Variants in IMMP2L observed in about 807,000 individuals in gnomAD.
The protein encoded by IMMP2L is mitochondrial inner membrane protease subunit 2.
Under a neutral mutation model 19.3 loss-of-function variants are expected in IMMP2L, and 18 were observed. The ratio of observed to expected loss-of-function variants is 0.93; its 90% CI spans 0.64 to 1.38. The LOEUF (loss-of-function observed/expected upper bound fraction) is 1.38. Among genes scored for constraint, IMMP2L ranks in the 40% most tolerant of loss-of-function variants. The probability of loss-of-function intolerance (pLI) is 0.00; values close to 1 mark genes in which losing one functional copy is unlikely to be tolerated. For missense variants in IMMP2L, 233 were observed against 218.2 expected, an observed-to-expected ratio of 1.07 and a Z score of -0.43; for synonymous variants, 76 against 73.0, an observed-to-expected ratio of 1.04 and a Z score of -0.21.
intron 2 of IMMP2L, among the ~76,000 whole-genome samples, chr7:111,505,231 C>G (rs1039903026): frequency 5.3e-5 from 8 of 151,450 alleles, no homozygotes; most frequent in Admixed American, 2.6e-4. Context: ...AAATGCTCAT[C>G]ATCACTGGCC....
intron 3 of IMMP2L, among the ~76,000 whole-genome samples, chr7:111,063,674 T>A (rs566644006): frequency 1.9e-4 from 29 of 149,776 alleles, no homozygotes; most frequent in African/African-American, 4.5e-4. Context: ...AATTTCTTCC[T>A]CCAGATACCT....
At chr7:111,076,828 C>A (rs1255176888) in intron 3 of IMMP2L, among the ~76,000 whole-genome samples, 1 of 152,188 alleles carries the variant, frequency 6.6e-6, no homozygotes, top group Non-Finnish European at 1.5e-5. Context: ...TCAGAATACA[C>A]CTCTCTAACT....
In IMMP2L at chr7:111,243,032, C is replaced by T. The variant is rs191313510; in HGVS notation, c.239+244206G>A. Reference sequence around the variant, plus strand: ...GTCATATCACAAATCTCTTTTTGTGCACTTTTCTTGTGAACCACATGTCTG... The same window carrying T: ...GTCATATCACAAATCTCTTTTTGTGTACTTTTCTTGTGAACCACATGTCTG... On this transcript the variant is annotated intron_variant, in intron 3 of 5. Transcript: ENST00000405709. 1.1e-3 allele frequency among the ~76,000 whole-genome samples: 162 copies of T among 152,056 alleles called. 1 individual carries two copies. The highest frequency in any genetic ancestry group is 3.7e-3 in the African/African-American group (152 of 41,498).
intron 5 of IMMP2L, among the ~76,000 whole-genome samples, chr7:110,795,322 T>G (rs1800788252): frequency 6.6e-6 from 1 of 152,040 alleles, no homozygotes; most frequent in East Asian, 1.9e-4. Flanking sequence ...TTCTCCTACT[T>G]AGTGATGATT....
chr7:110,887,740 C>A, intron 4 of IMMP2L, among the ~76,000 whole-genome samples: 1 of 145,114 alleles, frequency 6.9e-6, no homozygotes, highest in Non-Finnish European at 1.5e-5. Context: ...GCAGAGACTG[C>A]TTTTTTTTTT....
At chr7:111,294,041 T>C (rs1423711955) in intron 3 of IMMP2L, among the ~76,000 whole-genome samples, 1 of 151,952 alleles carries the variant, frequency 6.6e-6, no homozygotes, top group Non-Finnish European at 1.5e-5. Context: ...TCTAAACCAC[T>C]GCTATATTAG....
chr7:111,038,520 C>T (rs900381934), intron 3 of IMMP2L, among the ~76,000 whole-genome samples: 2 of 152,098 alleles, frequency 1.3e-5, no homozygotes, highest in Admixed American at 6.6e-5. Context: ...TGATCCTGAA[C>T]GGTATGCACT....
intron 4 of IMMP2L, among the ~76,000 whole-genome samples, chr7:110,938,429 A>G (rs1026747357): frequency 6.6e-5 from 10 of 152,190 alleles, no homozygotes; most frequent in Non-Finnish European, 1.2e-4. Context: ...GTGTGACAGC[A>G]TTTTCTGAGC....
chr7:111,070,087 G>A (rs767990811), intron 3 of IMMP2L, among the ~76,000 whole-genome samples: 4 of 152,008 alleles, frequency 2.6e-5, no homozygotes, highest in African/African-American at 4.8e-5. Context: ...AGCTAAAGTA[G>A]TTCACATTTT....
At chr7:111,326,863 G>C (rs1188739153) in intron 3 of IMMP2L, among the ~76,000 whole-genome samples, 1 of 151,632 alleles carries the variant, frequency 6.6e-6, no homozygotes, top group East Asian at 1.9e-4. Flanking sequence ...TTTGGTTTTT[G>C]GTATTTCAAA....
chr7:111,230,364 A>C (rs191899721), intron 3 of IMMP2L, among the ~76,000 whole-genome samples: 9 of 152,194 alleles, frequency 5.9e-5, no homozygotes, highest in Admixed American at 2.6e-4. Flanking sequence ...CATACTTTAG[A>C]TCACACAGGA....
At chr7:111,286,307 A>T (rs887168789) in intron 3 of IMMP2L, among the ~76,000 whole-genome samples, 3 of 152,138 alleles carry the variant, frequency 2.0e-5, no homozygotes. Flanking sequence ...ACTTTCTCCT[A>T]TGGTTGTTCA....
chr7:111,420,565 C>G (rs1030765970), intron 3 of IMMP2L, among the ~76,000 whole-genome samples: 2 of 144,320 alleles, frequency 1.4e-5, no homozygotes, highest in East Asian at 4.1e-4. Context: ...CAGCCCCCCA[C>G]CCCCCGATAG....
chr7:110,984,302 A>T (rs985957507), intron 3 of IMMP2L, among the ~76,000 whole-genome samples: 2 of 151,962 alleles, frequency 1.3e-5, no homozygotes, highest in African/African-American at 2.4e-5. Context: ...AAAAAAAAAA[A>T]ACCACCTAGA....
intron 3 of IMMP2L, among the ~76,000 whole-genome samples, chr7:111,375,324 A>G (rs976738196): frequency 6.6e-6 from 1 of 152,110 alleles, no homozygotes; most frequent in Admixed American, 6.6e-5. Context: ...CAAAAAAAAA[A>G]GTGGTTTTTA....
intron 3 of IMMP2L, among the ~76,000 whole-genome samples, chr7:111,346,110 A>G (rs1437329272): frequency 1.3e-5 from 2 of 152,192 alleles, no homozygotes; most frequent in Non-Finnish European, 2.9e-5. Flanking sequence ...ATCAAAGACA[A>G]ATACACTAAG....
rs74729651 is a variant in IMMP2L, at chr7:110,715,614, C to T, written c.409-51893G>A. 5.1e-3 allele frequency among the ~76,000 whole-genome samples: 769 copies of T among 152,116 alleles called. 2 individuals carry two copies. The highest frequency in any genetic ancestry group is 0.01 in the Middle Eastern group (3 of 294). On this transcript the variant is annotated intron_variant, in intron 5 of 5. Coordinates refer to ENST00000405709, the MANE Select transcript of IMMP2L (RefSeq NM_032549.4). The stretch of plus-strand genomic sequence containing the variant: ...TTGGTACTGATTTCTATTTGTATTC[C>T]ACTACGGTCTGAGAGTATGTTCATA...
chr7:111,492,518 T>A, intron 2 of IMMP2L: 1 of 272,882 alleles, frequency 3.7e-6, no homozygotes, highest in Non-Finnish European at 5.6e-6. Context: ...GTAAAGCCTT[T>A]AAAAAGAATA....
chr7:110,746,226 C>T (rs1170774501), intron 5 of IMMP2L, among the ~76,000 whole-genome samples: 1 of 152,138 alleles, frequency 6.6e-6, no homozygotes. Context: ...TATATATGCA[C>T]CCAATACAGG....
Sources: allele counts gnomAD v4.1 joint callset (sites outside exome capture counted in the v4.1 genomes callset), GRCh38; gene constraint gnomAD v4.1.1; transcripts MANE v1.5; gene names NCBI Gene and HGNC (gene_info 2026-07-23, HGNC 2026-07-21).